GLIS3: variants seen among roughly 807,000 people sequenced by gnomAD.
The protein encoded by GLIS3 is GLIS family zinc finger 3.
Under a neutral mutation model 78.6 loss-of-function variants are expected in GLIS3, and 53 were observed. That is an observed-to-expected ratio of 0.67 (90% CI 0.54 to 0.85). The LOEUF (loss-of-function observed/expected upper bound fraction) is 0.85, where lower values mean the gene tolerates loss of function less well. GLIS3 is among the 40% of genes least tolerant of loss of function. The pLI is 0.00. For missense variants in GLIS3, 1,703 were observed against 1,231.1 expected, an observed-to-expected ratio of 1.38 and a Z score of -5.74; for synonymous variants, 684 against 509.9, an observed-to-expected ratio of 1.34 and a Z score of -4.60.
chr9:4,242,297 G>GA (rs898607081), intron 2 of GLIS3, among the ~76,000 whole-genome samples: 3 of 152,008 alleles, frequency 2.0e-5, no homozygotes, highest in South Asian at 4.1e-4. Flanking sequence ...GGAAGTGGGG[G>GA]AAAAAAACGT....
intron 2 of GLIS3, among the ~76,000 whole-genome samples, chr9:4,254,738 G>A (rs146646783): frequency 0.013 from 2,035 of 152,086 alleles, 36 homozygotes; most frequent in African/African-American, 0.047. Context: ...TACTCGGGAG[G>A]CTGAGGCAGG....
chr9:4,195,251 CTGGTTG>C (rs560283159), intron 2 of GLIS3, among the ~76,000 whole-genome samples: 22,323 of 152,262 alleles, frequency 0.15, 2,230 homozygotes, highest in African/African-American at 0.28. Flanking sequence ...CCTGTCTGGG[CTGGTTG>C]AGGCCAGAGC....
intron 9 of GLIS3, among the ~76,000 whole-genome samples, chr9:3,841,899 T>TCTG (rs1164495227): frequency 2.0e-5 from 3 of 152,190 alleles, no homozygotes; most frequent in African/African-American, 4.8e-5. Flanking sequence ...GAAAGGTAAA[T>TCTG]CTGCCCATGG....
At chr9:4,068,759 A>G (rs923816878) in intron 4 of GLIS3, among the ~76,000 whole-genome samples, 1 of 151,938 alleles carries the variant, frequency 6.6e-6, no homozygotes. Context: ...GAAAAAGAGC[A>G]CTGTCAAGGG....
the GLIS3 span, among the ~76,000 whole-genome samples, chr9:4,378,243 G>C: frequency 1.3e-5 from 2 of 152,066 alleles, no homozygotes; most frequent in African/African-American, 2.4e-5. Flanking sequence ...TGGGTTGCCA[G>C]GTTTAGAAAA....
chr9:3,982,590 G>C (rs923923874), intron 4 of GLIS3, among the ~76,000 whole-genome samples: 1 of 152,132 alleles, frequency 6.6e-6, no homozygotes. Flanking sequence ...GAAAAAATTT[G>C]CTATATATTT....
At chr9:3,962,703 A>G (rs1409886775) in intron 4 of GLIS3, among the ~76,000 whole-genome samples, 1 of 152,146 alleles carries the variant, frequency 6.6e-6, no homozygotes, top group South Asian at 2.1e-4. Context: ...AACAAGAGAA[A>G]GGGGGGAATG....
intron 9 of GLIS3, among the ~76,000 whole-genome samples, chr9:3,832,824 C>G (rs913773748): frequency 1.3e-5 from 2 of 152,152 alleles, no homozygotes; most frequent in South Asian, 4.1e-4. Flanking sequence ...TAATATCAAC[C>G]TTCCAAGAAA....
At chr9:3,972,012 A>T (rs1173271792) in intron 4 of GLIS3, among the ~76,000 whole-genome samples, 1 of 152,192 alleles carries the variant, frequency 6.6e-6, no homozygotes, top group African/African-American at 2.4e-5. Context: ...GCTTTTGTTC[A>T]GAAAGGTGTT....
intron 8 of GLIS3, among the ~76,000 whole-genome samples, chr9:3,877,286 A>G (rs1233267413): frequency 6.6e-6 from 1 of 152,242 alleles, no homozygotes; most frequent in East Asian, 1.9e-4. Flanking sequence ...TATATCAGAC[A>G]AGTGGAAGAA....
chr9:4,085,630 T>C (rs1356880281), intron 4 of GLIS3, among the ~76,000 whole-genome samples: 9 of 152,178 alleles, frequency 5.9e-5, no homozygotes, highest in Non-Finnish European at 1.2e-4. Flanking sequence ...ATTCCCACTG[T>C]TGGAGGTGGG....
chr9:4,148,717 G>C (rs7041606), intron 2 of GLIS3, among the ~76,000 whole-genome samples: 89,236 of 151,820 alleles, frequency 0.59, 26,593 homozygotes, highest in South Asian at 0.7. Flanking sequence ...GAACTTCTTT[G>C]CACAGGTAGG....
chr9:4,273,564 T>C (rs188779059), intron 2 of GLIS3, among the ~76,000 whole-genome samples: 2 of 151,486 alleles, frequency 1.3e-5, no homozygotes, highest in Admixed American at 1.3e-4. Context: ...ATGCACTCCA[T>C]CCTGGGTGAC....
At chr9:4,240,215 G>A (rs949335376) in intron 2 of GLIS3, among the ~76,000 whole-genome samples, 7 of 151,964 alleles carry the variant, frequency 4.6e-5, no homozygotes, top group East Asian at 1.9e-4. Flanking sequence ...GGATGGTTTC[G>A]GGATGAAACT....
At chr9:3,937,264 A>T in intron 4 of GLIS3, 75 bp from the exon 5 acceptor site, 1 of 1,504,258 alleles carries the variant, frequency 6.6e-7, no homozygotes, top group Non-Finnish European at 9.2e-7. Flanking sequence ...CTAAAAAAAA[A>T]ATGTTCTTAG....
chr9:4,029,275 CT>C (rs1823610089), intron 4 of GLIS3, among the ~76,000 whole-genome samples: 2 of 151,588 alleles, frequency 1.3e-5, no homozygotes, highest in African/African-American at 4.9e-5. Flanking sequence ...TCCAGCAGAC[CT>C]TTTCCCCCCG....
chr9:3,893,410 G>A (rs1822593853), intron 7 of GLIS3, among the ~76,000 whole-genome samples: 1 of 152,210 alleles, frequency 6.6e-6, no homozygotes, highest in South Asian at 2.1e-4. Flanking sequence ...ACATGCAGAT[G>A]AGCCCTGTGC....
chr9:4,397,507 C>T, the GLIS3 span, among the ~76,000 whole-genome samples: 1 of 151,718 alleles, frequency 6.6e-6, no homozygotes, highest in Non-Finnish European at 1.5e-5. Flanking sequence ...TGACTCCCCA[C>T]CACCCAGAAA....
At chr9:4,383,170 G>A in the GLIS3 span, among the ~76,000 whole-genome samples, 3 of 152,146 alleles carry the variant, frequency 2.0e-5, no homozygotes, top group African/African-American at 7.2e-5. Flanking sequence ...CCTCCCACTG[G>A]CCCAAGGCCT....
Sources: gnomAD v4.1 joint callset for allele counts (sites outside exome capture counted in the v4.1 genomes callset) on GRCh38, gnomAD v4.1.1 for gene constraint, MANE v1.5 for transcripts, NCBI Gene and HGNC (gene_info 2026-07-23, HGNC 2026-07-21) for gene names.